The following FARP2 variants were observed in gnomAD, a reference collection of about 807,000 sequenced individuals.
FARP2 encodes the protein FERM, ARH/RhoGEF and pleckstrin domain protein 2.
In FARP2, 111 loss-of-function variants were observed where a neutral mutation model predicts 130.5. The observed-to-expected ratio is 0.85, with a 90% CI of 0.73 to 1.00. The LOEUF is 1.00. FARP2 is among the 50% of genes least tolerant of loss of function. The pLI, the probability that FARP2 is intolerant of heterozygous loss-of-function variation, is 0.00. For missense variants in FARP2, 1,385 were observed against 1,346.3 expected (o/e 1.03, Z -0.45); for synonymous variants, 504 against 516.9 (o/e 0.98, Z 0.34).
rs2064356140 is a variant in FARP2 at position 241,472,856 on chromosome 2, CCCTGTTCTGAGAGGGAT to C, written c.2132-2989_2132-2973del. Among the ~76,000 whole-genome samples, 4 of 148,240 alleles carry C rather than the reference CCCTGTTCTGAGAGGGAT, an allele frequency of 2.7e-5. No individual in the cohort carries two copies. The South Asian group carries it at 8.7e-4, about 32-fold the overall frequency. ...TGAATGTGATGCTGTTCTGCGGGGA[CCCTGTTCTGAGAGGGAT>C]CCTGTTCTGAGGGGAACCTCTTTTG... On this transcript the variant is annotated intron_variant, in intron 18 of 26. Coordinates refer to ENST00000264042, the MANE Select transcript of FARP2 (RefSeq NM_014808.4).
chr2:241,371,693 T>A (rs1289358660), intron 1 of FARP2, among the ~76,000 whole-genome samples: 4 of 152,208 alleles, frequency 2.6e-5, no homozygotes, highest in Non-Finnish European at 4.4e-5. Flanking sequence ...CAGTGCTACA[T>A]GCTTTGTTGA....
At position 241,477,724 on chromosome 2, in the gene FARP2, CAT is replaced by C. The variant is rs1322815118; in HGVS notation, c.2262+1738_2262+1739del. On this transcript the variant is annotated intron_variant, in intron 19 of 26. Coordinates refer to ENST00000264042, the MANE Select transcript of FARP2 (RefSeq NM_014808.4). Reference sequence around the variant, plus strand: ...GTATGAGACTTCCAGTTTCTCACATCATGTGTCACTTTTTGGTTCTAGCCATT... The same window carrying C: ...GTATGAGACTTCCAGTTTCTCACATCGTGTCACTTTTTGGTTCTAGCCATT... Among the ~76,000 whole-genome samples the C allele has an allele frequency of 6.6e-5, 10 of 152,210 alleles. No homozygotes were observed. The East Asian group carries it at 1.9e-3, about 29-fold the overall frequency.
intron 13 of FARP2, among the ~76,000 whole-genome samples, chr2:241,450,222 G>A (rs568517948): frequency 6.6e-6 from 1 of 152,122 alleles, no homozygotes; most frequent in African/African-American, 2.4e-5. Context: ...ACATAGCTGG[G>A]CACAGTGACA....
chr2:241,477,048 G>T (rs1156369540), intron 19 of FARP2, among the ~76,000 whole-genome samples: 1 of 150,944 alleles, frequency 6.6e-6, no homozygotes, highest in African/African-American at 2.4e-5. Context: ...TCATAGAAAT[G>T]GTATCACACA....
intron 17 of FARP2, chr2:241,465,961 A>G: frequency 1.4e-6 from 2 of 1,413,206 alleles, no homozygotes; most frequent in Non-Finnish European, 1.8e-6. Context: ...TTAATGAGAA[A>G]GTTCTACTTA....
rs1162150665 is a variant in FARP2 at position 241,459,853 on chromosome 2, C to A, written c.1588-2670C>A. Among the ~76,000 whole-genome samples, 7 of 152,040 alleles carry A rather than the reference C, an allele frequency of 4.6e-5. No homozygotes were observed. Among genetic ancestry groups the A allele is most frequent in the Non-Finnish European group, 5.9e-5 (4 of 67,998 alleles). On this transcript the variant is annotated intron_variant, in intron 14 of 26. Coordinates refer to ENST00000264042, the MANE Select transcript of FARP2 (RefSeq NM_014808.4). The surrounding 1 kb of genome is among the most constrained non-coding windows in gnomAD (Gnocchi z 5.3). ...GCGGGGGCAGGGGCGGGACGGAAGA[C>A]CCTTCTCTTGGCCAGTCTGCTCCCC...
chr2:241,493,032 A>T lies in FARP2; in HGVS notation c.2891A>T (p.His964Leu). Reference sequence around the variant, plus strand: ...TTCTGTTTGTTCTTCTACAAAACTCATCAGGTACTGGAGTTTCACTGGAGC... The same window carrying T: ...TTCTGTTTGTTCTTCTACAAAACTCTTCAGGTACTGGAGTTTCACTGGAGC... The part of the protein sequence containing the change: ...TNFCLFFYKT[H>L]QDDYPLASLP... The change falls in exon 25 of 27, where the codon CAT becomes CTT. Residue 964 changes from histidine to leucine, a missense_variant. Transcript: ENST00000264042. 5 of 1,559,910 alleles carry T rather than the reference A, an allele frequency of 3.2e-6. No homozygotes were observed. Among genetic ancestry groups the T allele is most frequent in the Non-Finnish European group, 4.4e-6 (5 of 1,130,560 alleles).
intron 18 of FARP2, among the ~76,000 whole-genome samples, chr2:241,470,640 C>T (rs1283323944): frequency 1.4e-5 from 2 of 148,118 alleles, no homozygotes; most frequent in East Asian, 4.1e-4. Context: ...GGACACTGTT[C>T]TGAGGGGACT....
rs1318212154 is a variant in FARP2 at position 241,482,558 on chromosome 2, G to A, written c.2263-907G>A. ...CAAGCTTAGTTACCGGCCCCATCCA[G>A]TTAACGCAAATGCATCCATATGACC... On this transcript the variant is annotated intron_variant, in intron 19 of 26. Coordinates refer to ENST00000264042, the MANE Select transcript of FARP2 (RefSeq NM_014808.4). The surrounding 1 kb of genome is among the most constrained non-coding windows in gnomAD (Gnocchi z 4.6). Among the ~76,000 whole-genome samples, 1 of 152,228 alleles carries A rather than the reference G, an allele frequency of 6.6e-6. No individual in the cohort carries two copies. The highest frequency in any genetic ancestry group is 2.4e-5 in the African/African-American group (1 of 41,464).
At chr2:241,440,673 T>A (rs1405392815) in intron 12 of FARP2, among the ~76,000 whole-genome samples, 3 of 152,046 alleles carry the variant, frequency 2.0e-5, no homozygotes, top group Non-Finnish European at 4.4e-5. Flanking sequence ...GACAGATGAG[T>A]GCGCATTACT....
intron 1 of FARP2, among the ~76,000 whole-genome samples, chr2:241,372,116 G>A (rs1471359551): frequency 6.6e-6 from 1 of 152,068 alleles, no homozygotes; most frequent in African/African-American, 2.4e-5. Context: ...TTAACAGCTT[G>A]CAAGCAGAGA....
At position 241,406,257 on chromosome 2, in the gene FARP2, G is replaced by T. The variant is rs571307397; in HGVS notation, c.332-1280G>T. 9.8e-4 allele frequency among the ~76,000 whole-genome samples: 147 copies of T among 150,088 alleles called. 2 individuals are homozygous for T. The highest frequency in any genetic ancestry group is 3.5e-3 in the African/African-American group (141 of 40,804). On this transcript the variant is annotated intron_variant, in intron 4 of 26. Coordinates refer to ENST00000264042, the MANE Select transcript of FARP2 (RefSeq NM_014808.4). The stretch of plus-strand genomic sequence containing the variant: ...TGGAAGGCGGAGCTTGCAGTGAGCC[G>T]AGATCACGTCACTGCACTCCAGCCT...
chr2:241,479,142 TG>T, intron 19 of FARP2: 1 of 409,862 alleles, frequency 2.4e-6, no homozygotes, highest in Non-Finnish European at 4.3e-6. Context: ...GCTTCTGAGG[TG>T]GGTGGTGAGA....
At chr2:241,460,761 G>A (rs1014431806) in intron 14 of FARP2, among the ~76,000 whole-genome samples, 2 of 152,226 alleles carry the variant, frequency 1.3e-5, no homozygotes, top group African/African-American at 4.8e-5. Context: ...GCACCAAGAG[G>A]TGGGGGCTGA....
chr2:241,451,637 C>T (rs1270780124), intron 13 of FARP2, among the ~76,000 whole-genome samples: 1 of 152,116 alleles, frequency 6.6e-6, no homozygotes, highest in East Asian at 1.9e-4. Context: ...TAGATGACCT[C>T]GGATTTAGAG....
chr2:241,385,324 A>T (rs1399783550), intron 2 of FARP2, among the ~76,000 whole-genome samples: 1 of 152,178 alleles, frequency 6.6e-6, no homozygotes, highest in Non-Finnish European at 1.5e-5. Context: ...TAGTTTATAA[A>T]ATAATAGTAT....
At chr2:241,426,237 T>G (rs1394832529) in intron 8 of FARP2, among the ~76,000 whole-genome samples, 1 of 152,172 alleles carries the variant, frequency 6.6e-6, no homozygotes, top group Non-Finnish European at 1.5e-5. Flanking sequence ...TCATTTCTTT[T>G]GCTGGACGGT....
chr2:241,422,149 C>T (rs576825161), intron 8 of FARP2, among the ~76,000 whole-genome samples: 1 of 142,752 alleles, frequency 7.0e-6, no homozygotes, highest in Admixed American at 7.0e-5. Context: ...TCTCAAAAAA[C>T]AAACACCTGT....
intron 11 of FARP2, among the ~76,000 whole-genome samples, chr2:241,435,863 C>T (rs2063214422): frequency 6.9e-6 from 1 of 144,350 alleles, no homozygotes; most frequent in African/African-American, 2.6e-5. Context: ...TTTAGTTTCT[C>T]TTCTGTATAG....
Sources: allele counts gnomAD v4.1 joint callset (sites outside exome capture counted in the v4.1 genomes callset), GRCh38; gene constraint gnomAD v4.1.1; non-coding constraint Gnocchi (gnomAD v3.1); transcripts MANE v1.5; gene names NCBI Gene and HGNC (gene_info 2026-07-23, HGNC 2026-07-21).